Variants in PGCKA1 observed in about 807,000 individuals in gnomAD.
The protein encoded by PGCKA1 is PDCD10 and GCKIII kinases-associated protein 1.
the PGCKA1 span, among the ~76,000 whole-genome samples, chr4:37,488,403 A>G: frequency 3.9e-5 from 6 of 152,108 alleles, no homozygotes; most frequent in African/African-American, 1.4e-4. Flanking sequence ...TGATAAATCC[A>G]TGTAGGCAAC....
the PGCKA1 span, among the ~76,000 whole-genome samples, chr4:37,560,025 C>T: frequency 1.3e-5 from 2 of 152,182 alleles, no homozygotes; most frequent in African/African-American, 4.8e-5. Flanking sequence ...GGGGACTTCC[C>T]AGTGGCTCTA....
the PGCKA1 span, among the ~76,000 whole-genome samples, chr4:37,567,618 C>T: frequency 5.9e-5 from 9 of 152,110 alleles, no homozygotes; most frequent in Admixed American, 2.0e-4. Context: ...CCTGAATGTT[C>T]GTCTAAATGC....
At chr4:37,584,846 C>T in the PGCKA1 span, among the ~76,000 whole-genome samples, 15 of 152,082 alleles carry the variant, frequency 9.9e-5, no homozygotes, top group East Asian at 2.1e-3. Context: ...TCCTTTCTTT[C>T]GCCTTCCCCT....
chr4:37,531,626 C>T, the PGCKA1 span, among the ~76,000 whole-genome samples: 1 of 151,758 alleles, frequency 6.6e-6, no homozygotes, highest in African/African-American at 2.4e-5. Flanking sequence ...GGCATGGTGG[C>T]TCACGCCTGT....
At chr4:37,469,618 C>G in the PGCKA1 span, among the ~76,000 whole-genome samples, 8 of 152,142 alleles carry the variant, frequency 5.3e-5, no homozygotes. Context: ...GGTATTATCT[C>G]TATATAACCC....
At chr4:37,499,731 A>G in the PGCKA1 span, among the ~76,000 whole-genome samples, 2 of 150,564 alleles carry the variant, frequency 1.3e-5, no homozygotes, top group African/African-American at 4.9e-5. Context: ...GTATTTTATT[A>G]TTTTTTTCAA....
chr4:37,469,974 G>A, the PGCKA1 span, among the ~76,000 whole-genome samples: 8 of 152,252 alleles, frequency 5.3e-5, no homozygotes, highest in East Asian at 1.5e-3. Flanking sequence ...ATGACACTTT[G>A]GGAGATACAG....
chr4:37,468,742 AC>A, the PGCKA1 span, among the ~76,000 whole-genome samples: 4 of 145,188 alleles, frequency 2.8e-5, no homozygotes, highest in East Asian at 2.0e-4. Context: ...GACTCTGTAT[AC>A]CCCCCCACAC....
chr4:37,552,579 G>C, the PGCKA1 span, among the ~76,000 whole-genome samples: 1 of 152,100 alleles, frequency 6.6e-6, no homozygotes, highest in African/African-American at 2.4e-5. Flanking sequence ...GAGAAACCAG[G>C]GGCAGTAGAA....
chr4:37,559,950 T>A, the PGCKA1 span, among the ~76,000 whole-genome samples: 1 of 152,212 alleles, frequency 6.6e-6, no homozygotes, highest in African/African-American at 2.4e-5. Flanking sequence ...CTGCAAACCT[T>A]ATCTTCCTTT....
chr4:37,489,150 A>G, the PGCKA1 span, among the ~76,000 whole-genome samples: 2 of 152,166 alleles, frequency 1.3e-5, no homozygotes, highest in Non-Finnish European at 2.9e-5. Context: ...CAATTATGCA[A>G]GATGAATAAG....
the PGCKA1 span, among the ~76,000 whole-genome samples, chr4:37,572,177 C>T: frequency 6.7e-6 from 1 of 149,582 alleles, no homozygotes; most frequent in African/African-American, 2.5e-5. Context: ...ATTCTCCTGC[C>T]TCAGCCTCCC....
At chr4:37,462,008 C>T in the PGCKA1 span, among the ~76,000 whole-genome samples, 2 of 151,970 alleles carry the variant, frequency 1.3e-5, no homozygotes, top group Admixed American at 1.3e-4. Flanking sequence ...CTTTGCAATT[C>T]TTTGCTACTG....
the PGCKA1 span, among the ~76,000 whole-genome samples, chr4:37,550,700 A>T: frequency 3.3e-5 from 5 of 152,216 alleles, no homozygotes; most frequent in African/African-American, 1.2e-4. Flanking sequence ...ATGTGCCAGT[A>T]CCTGAGATTC....
chr4:37,492,786 G>A, the PGCKA1 span, among the ~76,000 whole-genome samples: 9,431 of 152,226 alleles, frequency 0.062, 366 homozygotes, highest in Middle Eastern at 0.088. The surrounding 1 kb of genome is among the most constrained non-coding windows in gnomAD (Gnocchi z 4.7). Flanking sequence ...CATGTCAGCT[G>A]CTTCTTAAAC....
At chr4:37,471,493 C>T in the PGCKA1 span, among the ~76,000 whole-genome samples, 28 of 152,026 alleles carry the variant, frequency 1.8e-4, no homozygotes, top group African/African-American at 6.3e-4. Flanking sequence ...CATATATAAA[C>T]GTAATTTTAT....
chr4:37,474,973 G>A, the PGCKA1 span, among the ~76,000 whole-genome samples: 9 of 152,102 alleles, frequency 5.9e-5, no homozygotes, highest in East Asian at 1.5e-3. Flanking sequence ...CCTTATAAAA[G>A]ACTTCACATT....
At chr4:37,582,511 G>A in the PGCKA1 span, among the ~76,000 whole-genome samples, 1 of 152,144 alleles carries the variant, frequency 6.6e-6, no homozygotes, top group East Asian at 1.9e-4. Flanking sequence ...GCAGTGCATC[G>A]GCTGTCATGT....
the PGCKA1 span, among the ~76,000 whole-genome samples, chr4:37,506,822 G>T: frequency 6.6e-6 from 1 of 152,054 alleles, no homozygotes; most frequent in South Asian, 2.1e-4. Context: ...GATAAAGCCT[G>T]ATGTTTCTTT....
Sources: allele counts gnomAD v4.1 joint callset (sites outside exome capture counted in the v4.1 genomes callset), GRCh38; gene constraint gnomAD v4.1.1; non-coding constraint Gnocchi (gnomAD v3.1); transcripts MANE v1.5; gene names NCBI Gene and HGNC (gene_info 2026-07-23, HGNC 2026-07-21).